Variants in PAK1 observed in about 807,000 individuals in gnomAD.
PAK1 encodes p21 (RAC1) activated kinase 1.
A neutral mutation model predicts 67.4 loss-of-function variants in PAK1; 29 were observed. The observed-to-expected ratio is 0.43, with a 90% CI of 0.32 to 0.59. The LOEUF (loss-of-function observed/expected upper bound fraction) is 0.59, where lower values mean the gene tolerates loss of function less well. PAK1 is among the 20% of genes least tolerant of loss of function. The pLI is 0.07. For missense variants in PAK1, 337 were observed against 670.7 expected, an observed-to-expected ratio of 0.50 and a Z score of 5.50; for synonymous variants, 223 against 237.4, an observed-to-expected ratio of 0.94 and a Z score of 0.56.
the PAK1 span, among the ~76,000 whole-genome samples, chr11:77,482,000 T>C: frequency 6.6e-6 from 1 of 152,200 alleles, no homozygotes; most frequent in East Asian, 1.9e-4. Flanking sequence ...TTTGCTTCTT[T>C]TTTTTTGAGA....
chr11:77,425,461 T>C (rs1955500331), intron 1 of PAK1, among the ~76,000 whole-genome samples: 2 of 152,154 alleles, frequency 1.3e-5, no homozygotes, highest in South Asian at 4.1e-4. Flanking sequence ...TCATATCCAT[T>C]ATCCAATTAA....
At chr11:77,464,990 GTGTGTGTGTGTGTGTGTGTGTGTC>G (rs1398112529) in intron 1 of PAK1, among the ~76,000 whole-genome samples, 1 of 16,104 alleles carries the variant, frequency 6.2e-5, no homozygotes, top group Admixed American at 3.2e-4. Flanking sequence ...ACATGAAAGA[GTGTGTGTGTGTGTGTGTGTGTGTC>G]TGTGTGTGTG....
chr11:77,457,213 T>C (rs1268438324), intron 1 of PAK1, among the ~76,000 whole-genome samples: 1 of 152,176 alleles, frequency 6.6e-6, no homozygotes, highest in Non-Finnish European at 1.5e-5. Context: ...AAGAGAAAAT[T>C]ATATTTACAT....
chr11:77,429,956 T>G (rs1206186257), intron 1 of PAK1, among the ~76,000 whole-genome samples: 4 of 152,164 alleles, frequency 2.6e-5, no homozygotes, highest in Non-Finnish European at 4.4e-5. Context: ...AAAACTAAGT[T>G]TGATATCGCT....
intron 14 of PAK1, among the ~76,000 whole-genome samples, chr11:77,326,865 C>A (rs1320692675): frequency 6.6e-6 from 1 of 151,844 alleles, no homozygotes; most frequent in African/African-American, 2.4e-5. Context: ...GAATCAATGG[C>A]AAAGAAGTTA....
intron 1 of PAK1, among the ~76,000 whole-genome samples, chr11:77,472,132 G>A (rs1297414253): frequency 6.6e-6 from 1 of 152,116 alleles, no homozygotes; most frequent in Non-Finnish European, 1.5e-5. Flanking sequence ...CTGAAACATA[G>A]TAGCTCTCCG....
rs1485976119 is a variant in PAK1 at position 77,392,286 on chromosome 11, T to C, written c.190+45A>G. On this transcript the variant is annotated intron_variant, in intron 2 of 14. Coordinates refer to ENST00000356341, the MANE Select transcript of PAK1 (RefSeq NM_002576.5). ...TTTTATCCAGGTTACCCAAAATAAT[T>C]TTTTTAAAGCATATAAATGATGAGA... 4.5e-6 allele frequency: 6 copies of C among 1,346,218 alleles called. No homozygotes were observed. The East Asian group carries it at 1.5e-4, about 33-fold the overall frequency. The allele number at this position is 1,346,218 out of a possible 1,614,324, so 83.4% of individuals were successfully genotyped here. A position where few individuals can be genotyped will look rare whatever the true frequency, so the allele number is the denominator to read the frequency against.
chr11:77,395,253 C>G (rs1410293152), intron 1 of PAK1, among the ~76,000 whole-genome samples: 3 of 152,078 alleles, frequency 2.0e-5, no homozygotes, highest in Non-Finnish European at 4.4e-5. Context: ...CAGGTTATCC[C>G]TTCTATTATT....
At chr11:77,470,036 T>C (rs1006938133) in intron 1 of PAK1, among the ~76,000 whole-genome samples, 1 of 152,216 alleles carries the variant, frequency 6.6e-6, no homozygotes, top group African/African-American at 2.4e-5. Flanking sequence ...TGTATTCTTT[T>C]GATAACCTTA....
intron 7 of PAK1, among the ~76,000 whole-genome samples, chr11:77,354,225 T>C (rs1334480567): frequency 6.6e-6 from 1 of 152,074 alleles, no homozygotes; most frequent in Non-Finnish European, 1.5e-5. Context: ...GATGGAGAAA[T>C]TGAGGCCCAC....
At chr11:77,502,750 C>T in the PAK1 span, among the ~76,000 whole-genome samples, 5 of 152,112 alleles carry the variant, frequency 3.3e-5, no homozygotes, top group African/African-American at 4.8e-5. Flanking sequence ...AAGCAGTGGG[C>T]ACTCTGTCAA....
Position 77,337,428 on chromosome 11 carries a change from T to C in PAK1, c.1117-5A>G. 2 of 1,532,970 alleles carry C rather than the reference T, an allele frequency of 1.3e-6. No homozygotes were observed. 95.0% of individuals were successfully genotyped at this position (1,532,970 alleles called of 1,614,324 possible). A position where few individuals can be genotyped will look rare whatever the true frequency, so the allele number is the denominator to read the frequency against. ...GAACTCCAGAGCCTGCAGACACTAT[T>C]GAAGTGGTGTGGGCAGGGGGAGAAA... On this transcript the variant is annotated splice_region_variant and splice_polypyrimidine_tract_variant and intron_variant, in intron 11 of 14. Transcript: ENST00000356341.
At chr11:77,466,803 C>G (rs1957619984) in intron 1 of PAK1, among the ~76,000 whole-genome samples, 1 of 152,140 alleles carries the variant, frequency 6.6e-6, no homozygotes, top group Admixed American at 6.5e-5. Context: ...GCATGATGAA[C>G]TAAACAATCA....
the PAK1 span, among the ~76,000 whole-genome samples, chr11:77,516,513 A>G: frequency 1.8e-4 from 27 of 152,312 alleles, no homozygotes; most frequent in African/African-American, 5.8e-4. Context: ...ATTAAGCAGT[A>G]ATGTGTCAGG....
chr11:77,419,309 A>C (rs1409305469), intron 1 of PAK1, among the ~76,000 whole-genome samples: 6 of 152,210 alleles, frequency 3.9e-5, no homozygotes, highest in Admixed American at 3.9e-4. Flanking sequence ...TTAGCAGTTA[A>C]CATGTTTTAA....
chr11:77,459,638 C>T (rs1007841375), intron 1 of PAK1, among the ~76,000 whole-genome samples: 1 of 151,298 alleles, frequency 6.6e-6, no homozygotes, highest in Non-Finnish European at 1.5e-5. Context: ...TAAATGCCAT[C>T]GCAGAAAATA....
chr11:77,351,566 A>G (rs997741463), intron 8 of PAK1, among the ~76,000 whole-genome samples: 2 of 152,170 alleles, frequency 1.3e-5, no homozygotes, highest in Admixed American at 6.6e-5. Context: ...CAAACTCACA[A>G]AAGTATGTCT....
chr11:77,519,361 G>A, the PAK1 span, among the ~76,000 whole-genome samples: 3 of 152,058 alleles, frequency 2.0e-5, no homozygotes, highest in African/African-American at 4.8e-5. Flanking sequence ...TATAAGTAGT[G>A]TCACTTAAAC....
intron 1 of PAK1, among the ~76,000 whole-genome samples, chr11:77,409,588 C>A (rs112617824): frequency 1.5e-4 from 22 of 151,674 alleles, no homozygotes; most frequent in African/African-American, 5.1e-4. Context: ...ATACACACAA[C>A]GGAATATTAT....
Sources: gnomAD v4.1 joint callset for allele counts (sites outside exome capture counted in the v4.1 genomes callset) on GRCh38, gnomAD v4.1.1 for gene constraint, MANE v1.5 for transcripts, NCBI Gene and HGNC (gene_info 2026-07-23, HGNC 2026-07-21) for gene names.